RBPJ: variants seen among roughly 807,000 people sequenced by gnomAD.
RBPJ encodes the protein recombining binding protein suppressor of hairless.
In RBPJ, 9 loss-of-function variants were observed where a neutral mutation model predicts 67.8. The observed-to-expected ratio is 0.13, with a 90% CI of 0.08 to 0.23. The LOEUF is 0.23. RBPJ is among the 10% of genes least tolerant of loss of function. The pLI, the probability that RBPJ is intolerant of heterozygous loss-of-function variation, is 1.00. For synonymous variants in RBPJ, 198 were observed against 203.3 expected, an observed-to-expected ratio of 0.97 and a Z score of 0.22; for missense variants, 305 against 595.6, an observed-to-expected ratio of 0.51 and a Z score of 5.08.
the RBPJ span, among the ~76,000 whole-genome samples, chr4:26,109,425 C>CCTCT: frequency 2.4e-3 from 56 of 22,890 alleles, 1 homozygote; most frequent in Admixed American, 4.0e-3. Flanking sequence ...TCTCTCTCTC[C>CCTCT]CTCTCTCTCT....
intron 1 of RBPJ, among the ~76,000 whole-genome samples, chr4:26,273,914 T>C (rs77014187): frequency 2.2e-3 from 330 of 152,344 alleles, no homozygotes; most frequent in African/African-American, 7.3e-3. Flanking sequence ...CCGGCTTTAC[T>C]TCTCCTGGAG....
chr4:26,324,808 G>A (rs1723452653), intron 1 of RBPJ, among the ~76,000 whole-genome samples: 1 of 152,050 alleles, frequency 6.6e-6, no homozygotes, highest in Non-Finnish European at 1.5e-5. Context: ...GGATTACAGG[G>A]GTGAGCCACC....
intron 1 of RBPJ, among the ~76,000 whole-genome samples, chr4:26,239,941 C>A (rs1234724602): frequency 1.3e-5 from 2 of 152,048 alleles, no homozygotes; most frequent in Non-Finnish European, 2.9e-5. Context: ...CAAAATTTTT[C>A]TTGTAAAGGA....
At chr4:26,164,613 A>G (rs1716193942) in intron 1 of RBPJ, among the ~76,000 whole-genome samples, 1 of 152,228 alleles carries the variant, frequency 6.6e-6, no homozygotes, top group Non-Finnish European at 1.5e-5. Context: ...GTATTTTCCA[A>G]AAGTACTTGG....
At chr4:26,224,840 A>C (rs1179376728) in intron 1 of RBPJ, among the ~76,000 whole-genome samples, 1 of 152,232 alleles carries the variant, frequency 6.6e-6, no homozygotes, top group Non-Finnish European at 1.5e-5. Flanking sequence ...CTGGCTTTAG[A>C]AGCCTGGCTA....
intron 1 of RBPJ, among the ~76,000 whole-genome samples, chr4:26,199,375 C>A (rs887427595): frequency 6.6e-6 from 1 of 152,086 alleles, no homozygotes; most frequent in Non-Finnish European, 1.5e-5. Flanking sequence ...GTGGAGCTTG[C>A]GGGGATTAGA....
intron 1 of RBPJ, among the ~76,000 whole-genome samples, chr4:26,357,277 A>G (rs1022781489): frequency 2.6e-5 from 4 of 152,156 alleles, no homozygotes; most frequent in Non-Finnish European, 4.4e-5. Flanking sequence ...CTGTGCTGTA[A>G]GGAAGAACTT....
intron 1 of RBPJ, among the ~76,000 whole-genome samples, chr4:26,261,034 A>G (rs1396779106): frequency 6.6e-6 from 1 of 152,206 alleles, no homozygotes; most frequent in Non-Finnish European, 1.5e-5. Flanking sequence ...TACATATAAA[A>G]GGTATGAAGA....
chr4:26,415,783 A>C, intron 4 of RBPJ, 143 bp downstream of exon 4: 1 of 750,498 alleles, frequency 1.3e-6, no homozygotes, highest in Non-Finnish European at 2.1e-6. Context: ...ACCAAAAAAC[A>C]TGCCTCTCAT....
intron 1 of RBPJ, among the ~76,000 whole-genome samples, chr4:26,177,223 C>T (rs942985598): frequency 2.6e-5 from 4 of 152,138 alleles, no homozygotes; most frequent in Admixed American, 6.6e-5. Flanking sequence ...CGCTCTAGCT[C>T]GTCACTGGAG....
chr4:26,273,475 G>A (rs1453636804), intron 1 of RBPJ, among the ~76,000 whole-genome samples: 2 of 152,224 alleles, frequency 1.3e-5, no homozygotes, highest in Non-Finnish European at 2.9e-5. Flanking sequence ...CCCGGCCTTG[G>A]CAGGCAGCTA....
At chr4:26,110,631 G>A in the RBPJ span, among the ~76,000 whole-genome samples, 1 of 152,238 alleles carries the variant, frequency 6.6e-6, no homozygotes, top group East Asian at 1.9e-4. This position sits in a 1 kb window ranked among gnomAD's most constrained non-coding sequence, Gnocchi z 4.5. Flanking sequence ...ACATTTTCCA[G>A]TTCTCTTAGT....
chr4:26,230,737 T>C (rs928968192), intron 1 of RBPJ, among the ~76,000 whole-genome samples: 8 of 152,252 alleles, frequency 5.3e-5, no homozygotes, highest in Admixed American at 2.0e-4. Context: ...AGTTCAGTTC[T>C]CTTCTATTTT....
the RBPJ span, among the ~76,000 whole-genome samples, chr4:26,119,265 C>T: frequency 6.6e-6 from 1 of 152,162 alleles, no homozygotes; most frequent in Non-Finnish European, 1.5e-5. Flanking sequence ...CCTAGAGTGA[C>T]AATAAAAACC....
At chr4:26,417,402 T>G (rs929794783) in intron 4 of RBPJ, among the ~76,000 whole-genome samples, 1 of 152,176 alleles carries the variant, frequency 6.6e-6, no homozygotes, top group Non-Finnish European at 1.5e-5. Flanking sequence ...ATATCTTTCT[T>G]CAACTTCCAC....
intron 1 of RBPJ, 193 bp downstream of exon 1, chr4:26,321,241 C>G (rs1723010423): frequency 6.5e-6 from 1 of 153,890 alleles, no homozygotes; most frequent in African/African-American, 2.5e-5. Context: ...GTGGCTCAGG[C>G]TCCAGCGCGT....
chr4:26,417,649 C>A (rs1734725349), intron 4 of RBPJ, among the ~76,000 whole-genome samples: 1 of 152,050 alleles, frequency 6.6e-6, no homozygotes, highest in South Asian at 2.1e-4. Context: ...ACAATATAAT[C>A]ATGTGCTTAG....
chr4:26,270,421 GAAAGAAAGAAA>G (rs1720867998), intron 1 of RBPJ, among the ~76,000 whole-genome samples: 2 of 53,434 alleles, frequency 3.7e-5, no homozygotes, highest in Admixed American at 5.3e-4. Flanking sequence ...AAGAAAGAAA[GAAAGAAAGAAA>G]GAAAGAAGAA....
chr4:26,271,661 C>T (rs188157791), intron 1 of RBPJ, among the ~76,000 whole-genome samples: 1 of 152,210 alleles, frequency 6.6e-6, no homozygotes, highest in Non-Finnish European at 1.5e-5. Flanking sequence ...TGCTATGTCC[C>T]AGGTGTCCTC....
Sources: gnomAD v4.1 joint callset for allele counts (sites outside exome capture counted in the v4.1 genomes callset) on GRCh38, gnomAD v4.1.1 for gene constraint, Gnocchi (gnomAD v3.1) non-coding constraint, MANE v1.5 for transcripts, NCBI Gene and HGNC (gene_info 2026-07-23, HGNC 2026-07-21) for gene names.